DAB1: variants seen among roughly 807,000 people sequenced by gnomAD.
DAB1 encodes DAB adaptor protein 1, also known as disabled homolog 1.
In DAB1, 15 loss-of-function variants were observed where a neutral mutation model predicts 64.6. The observed-to-expected ratio is 0.23, with a 90% CI of 0.16 to 0.36. The LOEUF (loss-of-function observed/expected upper bound fraction) is 0.36, where lower values mean the gene tolerates loss of function less well. DAB1 is among the 10% of genes least tolerant of loss of function. The pLI, the probability that DAB1 is intolerant of heterozygous loss-of-function variation, is 1.00. For missense variants in DAB1, 596 were observed against 706.7 expected (o/e 0.84, Z 1.78); for synonymous variants, 235 against 251.9 (o/e 0.93, Z 0.64).
downstream of DAB1, among the ~76,000 whole-genome samples, chr1:57,821,923 A>C (rs1412463815): frequency 6.6e-6 from 1 of 152,184 alleles, no homozygotes; most frequent in Non-Finnish European, 1.5e-5. Context: ...GATCTCATTA[A>C]ATTTTCACAA....
chr1:58,181,411 A>T (rs1378635591), intron 4 of DAB1, among the ~76,000 whole-genome samples: 1 of 152,046 alleles, frequency 6.6e-6, no homozygotes, highest in Admixed American at 6.6e-5. Context: ...CTGCTTTTTG[A>T]TAGAAGCAGT....
intron 4 of DAB1, among the ~76,000 whole-genome samples, chr1:58,279,264 C>T (rs1371149325): frequency 6.6e-6 from 1 of 152,188 alleles, no homozygotes; most frequent in Non-Finnish European, 1.5e-5. Context: ...TAATTTGGTC[C>T]TGTAATTATA....
intron 2 of DAB1, among the ~76,000 whole-genome samples, chr1:57,164,598 C>G (rs1428939871): frequency 6.6e-6 from 1 of 152,096 alleles, no homozygotes; most frequent in African/African-American, 2.4e-5. Flanking sequence ...ACCTAGTGAC[C>G]AGCATCGTAA....
intron 5 of DAB1, among the ~76,000 whole-genome samples, chr1:58,105,298 G>GA (rs1163910765): frequency 6.6e-6 from 1 of 152,166 alleles, no homozygotes; most frequent in African/African-American, 2.4e-5. Flanking sequence ...TTAAAAGCAA[G>GA]ACCCCATCTG....
chr1:58,319,405 G>C (rs1262049614), intron 4 of DAB1, among the ~76,000 whole-genome samples: 1 of 152,168 alleles, frequency 6.6e-6, no homozygotes, highest in Non-Finnish European at 1.5e-5. Flanking sequence ...GCTTTAAAAG[G>C]AGAGGTTTTT....
chr1:57,394,225 T>C (rs558442162), intron 1 of DAB1, among the ~76,000 whole-genome samples: 2 of 152,282 alleles, frequency 1.3e-5, no homozygotes, highest in African/African-American at 4.8e-5. Context: ...TGAAGTACGT[T>C]CCCCTTCTTC....
At chr1:57,103,400 A>G (rs1245418892) in intron 4 of DAB1, among the ~76,000 whole-genome samples, 1 of 152,170 alleles carries the variant, frequency 6.6e-6, no homozygotes, top group Non-Finnish European at 1.5e-5. Context: ...GCTGTTCTTC[A>G]ACACTAAGCA....
chr1:57,104,620 G>A (rs1557727365), intron 4 of DAB1, among the ~76,000 whole-genome samples: 1 of 152,174 alleles, frequency 6.6e-6, no homozygotes. Context: ...GATGTGAGGA[G>A]AACTGAGTGA....
intron 7 of DAB1, among the ~76,000 whole-genome samples, chr1:57,528,967 A>T (rs1269322725): frequency 6.6e-6 from 1 of 152,150 alleles, no homozygotes; most frequent in Non-Finnish European, 1.5e-5. Context: ...AGAAGACATT[A>T]AAAATACTTT....
At chr1:57,925,493 C>A (rs942455413) in intron 5 of DAB1, among the ~76,000 whole-genome samples, 1 of 152,168 alleles carries the variant, frequency 6.6e-6, no homozygotes, top group Non-Finnish European at 1.5e-5. Context: ...ATTTATCAAG[C>A]CACATTTATG....
At chr1:58,292,038 G>A (rs1661854852) in intron 4 of DAB1, among the ~76,000 whole-genome samples, 1 of 152,186 alleles carries the variant, frequency 6.6e-6, no homozygotes, top group South Asian at 2.1e-4. Flanking sequence ...AAAAGGCAGA[G>A]GAAGGAGGAA....
chr1:57,404,143 T>C (rs1259505754), intron 1 of DAB1, among the ~76,000 whole-genome samples: 1 of 152,124 alleles, frequency 6.6e-6, no homozygotes, highest in African/African-American at 2.4e-5. Flanking sequence ...AAGAGAAGGG[T>C]ATATTATGAT....
chr1:57,792,013 A>C (rs1650624960), intron 6 of DAB1, among the ~76,000 whole-genome samples: 1 of 152,164 alleles, frequency 6.6e-6, no homozygotes, highest in South Asian at 2.1e-4. Flanking sequence ...TAAGGCAAAG[A>C]CTTAATTTTT....
chr1:57,716,532 A>C (rs1481159688), intron 6 of DAB1, among the ~76,000 whole-genome samples: 1 of 152,222 alleles, frequency 6.6e-6, no homozygotes, highest in South Asian at 2.1e-4. Flanking sequence ...CTAGACATCC[A>C]CATGCAGAAG....
chr1:57,227,600 A>G (rs986946542), intron 2 of DAB1, among the ~76,000 whole-genome samples: 3 of 150,704 alleles, frequency 2.0e-5, no homozygotes, highest in African/African-American at 7.3e-5. Context: ...TCTGTCACCC[A>G]GGCTGGAGGG....
intron 2 of DAB1, among the ~76,000 whole-genome samples, chr1:57,162,195 T>C (rs888153544): frequency 1.3e-5 from 2 of 152,222 alleles, no homozygotes; most frequent in Non-Finnish European, 2.9e-5. Context: ...ACCAGAAAAG[T>C]GTGGGCTCAA....
intron 6 of DAB1, among the ~76,000 whole-genome samples, chr1:57,682,417 T>G (rs1646646733): frequency 6.7e-6 from 1 of 149,272 alleles, no homozygotes; most frequent in African/African-American, 2.5e-5. Context: ...CTGCTCCCAC[T>G]GACAGAGAAC....
intron 7 of DAB1, among the ~76,000 whole-genome samples, chr1:57,492,287 T>A (rs941805234): frequency 2.6e-5 from 4 of 152,250 alleles, no homozygotes; most frequent in African/African-American, 9.6e-5. Flanking sequence ...GTTCCAGCAT[T>A]ACTGCTTAAT....
intron 1 of DAB1, among the ~76,000 whole-genome samples, chr1:57,296,340 T>C (rs1437912101): frequency 6.6e-6 from 1 of 152,144 alleles, no homozygotes; most frequent in African/African-American, 2.4e-5. Flanking sequence ...TATGCAACTA[T>C]TTCCTATCTC....
Sources: allele counts gnomAD v4.1 joint callset (sites outside exome capture counted in the v4.1 genomes callset), GRCh38; gene constraint gnomAD v4.1.1; transcripts MANE v1.5; gene names NCBI Gene and HGNC (gene_info 2026-07-23, HGNC 2026-07-21).